Variants in MITF observed in about 807,000 individuals in gnomAD.
The protein encoded by MITF is microphthalmia-associated transcription factor.
Under a neutral mutation model 60.5 loss-of-function variants are expected in MITF, and 17 were observed. That is an observed-to-expected ratio of 0.28 (90% confidence interval 0.19 to 0.42). The LOEUF (loss-of-function observed/expected upper bound fraction) is 0.42, where lower values mean the gene tolerates loss of function less well. MITF is among the 10% of genes least tolerant of loss of function. The pLI is 1.00. For synonymous variants in MITF, 260 were observed against 248.5 expected (o/e 1.05, Z -0.43); for missense variants, 622 against 683.5 (o/e 0.91, Z 1.00).
intron 1 of MITF, among the ~76,000 whole-genome samples, chr3:69,797,782 C>T (rs1164781112): frequency 6.6e-6 from 1 of 152,154 alleles, no homozygotes; most frequent in African/African-American, 2.4e-5. Context: ...TCATCTATAA[C>T]CAAGGTTATC....
At chr3:69,882,389 C>T (rs530024588) in intron 2 of MITF, among the ~76,000 whole-genome samples, 1 of 152,106 alleles carries the variant, frequency 6.6e-6, no homozygotes, top group African/African-American at 2.4e-5. Context: ...AGTCTTATTG[C>T]TATATATTTA....
chr3:69,921,969 A>G (rs993523259), intron 2 of MITF, among the ~76,000 whole-genome samples: 1 of 152,160 alleles, frequency 6.6e-6, no homozygotes, highest in Admixed American at 6.5e-5. Flanking sequence ...CATAGTTATG[A>G]CAACCAAAAG....
intron 1 of MITF, among the ~76,000 whole-genome samples, chr3:69,740,022 G>C (rs746302439): frequency 6.6e-6 from 1 of 152,150 alleles, no homozygotes; most frequent in Admixed American, 6.5e-5. Flanking sequence ...GGCGCGATGT[G>C]GGGGAGGAGG....
At chr3:69,824,203 G>T (rs528441026) in intron 1 of MITF, among the ~76,000 whole-genome samples, 1 of 152,162 alleles carries the variant, frequency 6.6e-6, no homozygotes, top group African/African-American at 2.4e-5. Context: ...GGAAACAAGA[G>T]CCCTGCACTT....
At chr3:69,853,480 A>C (rs191876074) in intron 1 of MITF, among the ~76,000 whole-genome samples, 1 of 152,098 alleles carries the variant, frequency 6.6e-6, no homozygotes, top group Admixed American at 6.5e-5. Context: ...TATATCATAC[A>C]TATAGAAAGC....
At position 69,965,848 on chromosome 3, in the gene MITF, C is replaced by G; in HGVS notation, c.*600C>G. The G allele has an allele frequency of 1.3e-5, 3 of 230,454 alleles. No individual in the cohort carries two copies. The highest frequency in any genetic ancestry group is 1.3e-3 in the Middle Eastern group (1 of 764). 14.3% of individuals were successfully genotyped at this position (230,454 alleles called of 1,614,324 possible). A position where few individuals can be genotyped will look rare whatever the true frequency, so the allele number is the denominator to read the frequency against. ...AATGCGGCCTTTTCATGAGGATCGT[C>G]TGGTTAGAAAACATAACTGATACCA... On this transcript the variant is annotated 3_prime_UTR_variant, in exon 10 of 10. Transcript: ENST00000352241.
chr3:69,797,833 T>C (rs543188443), intron 1 of MITF, among the ~76,000 whole-genome samples: 67 of 152,196 alleles, frequency 4.4e-4, no homozygotes, highest in Non-Finnish European at 7.9e-4. Context: ...CAGGTAGTGA[T>C]ACAAATCTGG....
At chr3:69,895,803 AGTGTTTGTGTGT>A (rs1337956150) in intron 2 of MITF, among the ~76,000 whole-genome samples, 1 of 115,206 alleles carries the variant, frequency 8.7e-6, no homozygotes, top group Non-Finnish European at 1.9e-5. Flanking sequence ...AGAATTGTGG[AGTGTTTGTGTGT>A]GTGTGTGTGT....
intron 1 of MITF, among the ~76,000 whole-genome samples, chr3:69,854,619 T>C (rs1378894059): frequency 2.6e-5 from 4 of 152,236 alleles, no homozygotes; most frequent in African/African-American, 7.2e-5. Context: ...AGGGGCTGAC[T>C]GTATTTTGTC....
intron 1 of MITF, among the ~76,000 whole-genome samples, chr3:69,831,562 C>A (rs17638562): frequency 9.2e-5 from 14 of 151,992 alleles, no homozygotes; most frequent in Admixed American, 9.2e-4. Flanking sequence ...ATGGATTTCA[C>A]AACAATCTTG....
At chr3:69,946,500 G>A (rs1272455685) in intron 5 of MITF, among the ~76,000 whole-genome samples, 1 of 152,088 alleles carries the variant, frequency 6.6e-6, no homozygotes, top group East Asian at 1.9e-4. Flanking sequence ...CCTCCATTAG[G>A]CAATGGCAAA....
intron 4 of MITF, 119 bp downstream of exon 4, chr3:69,939,300 T>A (rs559073868): frequency 2.2e-5 from 19 of 874,376 alleles, no homozygotes; most frequent in African/African-American, 6.8e-5. Flanking sequence ...TTTTTTTTTT[T>A]ATAGAGAAAG....
chr3:69,938,884 A>G, intron 3 of MITF: 1 of 1,449,752 alleles, frequency 6.9e-7, no homozygotes, highest in East Asian at 2.5e-5. Flanking sequence ...CCTATGCCCA[A>G]ACCAACTGCT....
At chr3:69,784,904 A>C (rs1272568996) in intron 1 of MITF, among the ~76,000 whole-genome samples, 1 of 152,208 alleles carries the variant, frequency 6.6e-6, no homozygotes, top group Admixed American at 6.5e-5. Flanking sequence ...GTTTCATTGA[A>C]GATCCCCAGG....
chr3:69,962,383 G>A lies in MITF; in HGVS notation c.1180-2464G>A, dbSNP rs573694504. Among the ~76,000 whole-genome samples, 5 of 152,330 alleles carry A rather than the reference G, an allele frequency of 3.3e-5. No homozygotes were observed. In the East Asian group the frequency reaches 9.6e-4, roughly 29 times the overall value. On this transcript the variant is annotated intron_variant, in intron 9 of 9. Transcript: ENST00000352241. ...GCCTGAAGAAACTTGTGTTTCTGGA[G>A]ATTATGTAAAGGAACTTGAAGGTAC...
At chr3:69,945,503 G>A (rs997331829) in intron 5 of MITF, among the ~76,000 whole-genome samples, 6 of 152,104 alleles carry the variant, frequency 3.9e-5, no homozygotes, top group African/African-American at 7.2e-5. Context: ...TGTATTTATC[G>A]GGAAAGTTTT....
At chr3:69,764,270 A>G (rs2062256413) in intron 1 of MITF, among the ~76,000 whole-genome samples, 1 of 152,210 alleles carries the variant, frequency 6.6e-6, no homozygotes, top group Non-Finnish European at 1.5e-5. Flanking sequence ...TGCATTTTCC[A>G]GTGGTCCCCA....
intron 1 of MITF, among the ~76,000 whole-genome samples, chr3:69,783,851 C>T (rs2062606384): frequency 6.6e-6 from 1 of 152,178 alleles, no homozygotes; most frequent in Admixed American, 6.5e-5. Flanking sequence ...TTGAGGTTTT[C>T]AGGAATCTGC....
intron 2 of MITF, 74 bp from the exon 3 acceptor site, chr3:69,937,748 G>A (rs2065875641): frequency 8.0e-6 from 10 of 1,249,044 alleles, no homozygotes. Flanking sequence ...TTTCATGTTT[G>A]TGCCTGAAGG....
Sources: allele counts gnomAD v4.1 joint callset (sites outside exome capture counted in the v4.1 genomes callset), GRCh38; gene constraint gnomAD v4.1.1; transcripts MANE v1.5; gene names NCBI Gene and HGNC (gene_info 2026-07-23, HGNC 2026-07-21).